Variants in TUBB6 observed in about 807,000 individuals in gnomAD.
TUBB6 encodes tubulin beta 6 class V.
A neutral mutation model predicts 32.3 loss-of-function variants in TUBB6; 18 were observed. The observed-to-expected ratio is 0.56, with a 90% CI of 0.39 to 0.83. The LOEUF (loss-of-function observed/expected upper bound fraction) is 0.83, where lower values mean the gene tolerates loss of function less well. Ranked by LOEUF, TUBB6 falls within the 40% of genes least tolerant of loss-of-function variation. The probability of loss-of-function intolerance (pLI) is 0.00; values close to 1 mark genes in which losing one functional copy is unlikely to be tolerated. For missense variants in TUBB6, 480 were observed against 632.0 expected (o/e 0.76, Z 2.58); for synonymous variants, 280 against 265.8 (o/e 1.05, Z -0.52).
chr18:12,312,211 T>A (rs1250527277), intron 3 of TUBB6, among the ~76,000 whole-genome samples: 1 of 152,228 alleles, frequency 6.6e-6, no homozygotes, highest in African/African-American at 2.4e-5. Flanking sequence ...TAGCTTCTAC[T>A]AGAACATACA....
At chr18:12,308,641 G>A in intron 1 of TUBB6, 46 bp from the exon 2 acceptor site, 2 of 1,382,842 alleles carry the variant, frequency 1.4e-6, no homozygotes, top group Non-Finnish European at 2.0e-6. Context: ...CGGCGTCCCG[G>A]GCTCTGGGTT....
chr18:12,308,571 C>T (rs565194718), intron 1 of TUBB6, 116 bp from the exon 2 acceptor site: 25 of 842,022 alleles, frequency 3.0e-5, no homozygotes, highest in Middle Eastern at 7.3e-4. Flanking sequence ...GGAGCGGCTG[C>T]CGGCGGCTCA....
chr18:12,319,173 C>T (rs1221066347), intron 3 of TUBB6, among the ~76,000 whole-genome samples: 11 of 135,194 alleles, frequency 8.1e-5, no homozygotes, highest in South Asian at 2.3e-4. Context: ...GACGGAGTTT[C>T]GCTCTTGTTG....
chr18:12,327,757 C>T (rs1359148079), downstream of TUBB6, among the ~76,000 whole-genome samples: 1 of 152,156 alleles, frequency 6.6e-6, no homozygotes, highest in African/African-American at 2.4e-5. Flanking sequence ...TCACCAGAAA[C>T]ATGGGTGTTG....
chr18:12,316,106 G>C (rs1906661887), intron 3 of TUBB6, among the ~76,000 whole-genome samples: 1 of 152,218 alleles, frequency 6.6e-6, no homozygotes, highest in African/African-American at 2.4e-5. Context: ...GCCCCGAGGA[G>C]GCCTCACCCA....
At chr18:12,321,595 G>A (rs1398787985) in intron 3 of TUBB6, among the ~76,000 whole-genome samples, 7 of 152,164 alleles carry the variant, frequency 4.6e-5, no homozygotes, top group Non-Finnish European at 8.8e-5. Flanking sequence ...ATCAGGGATG[G>A]ACCTGCCCAC....
At chr18:12,317,895 C>T (rs974814382) in intron 3 of TUBB6, among the ~76,000 whole-genome samples, 1 of 152,158 alleles carries the variant, frequency 6.6e-6, no homozygotes, top group Non-Finnish European at 1.5e-5. Flanking sequence ...AAATATTTTT[C>T]AGAAGTCACC....
chr18:12,312,220 C>A (rs1255641007), intron 3 of TUBB6, among the ~76,000 whole-genome samples: 1 of 152,162 alleles, frequency 6.6e-6, no homozygotes, highest in Non-Finnish European at 1.5e-5. Context: ...CTAGAACATA[C>A]AAGTGAAAGC....
Position 12,325,766 on chromosome 18 carries a change from T to C in TUBB6, c.977T>C (p.Val326Ala). Reference protein sequence around the residue: ...VFRGPMSMKEVDEQMLAIQSK... With the variant: ...VFRGPMSMKEADEQMLAIQSK... ...CGCGGGCCCATGTCCATGAAGGAGG[T>C]GGACGAGCAGATGCTGGCCATCCAG... The change falls in exon 4 of 4, where the codon GTG becomes GCG. Residue 326 changes from valine (V) to alanine (A), a missense_variant. Physicochemically the swap from Val to Ala is moderately conservative, Grantham distance 64 (BLOSUM62 0). Coordinates refer to ENST00000317702, the MANE Select transcript of TUBB6 (RefSeq NM_032525.3). 2 of 1,614,018 alleles carry C rather than the reference T, an allele frequency of 1.2e-6. No individual in the cohort carries two copies. The highest frequency in any genetic ancestry group is 1.7e-6 in the Non-Finnish European group (2 of 1,180,002).
At chr18:12,315,634 A>C (rs1272299216) in intron 3 of TUBB6, among the ~76,000 whole-genome samples, 1 of 152,230 alleles carries the variant, frequency 6.6e-6, no homozygotes, top group Non-Finnish European at 1.5e-5. Flanking sequence ...AAAACAGAGA[A>C]ACCTGCACAC....
intron 3 of TUBB6, 32 bp from the exon 4 acceptor site, chr18:12,325,035 G>C (rs757093554): frequency 6.5e-7 from 1 of 1,543,030 alleles, no homozygotes; most frequent in East Asian, 2.3e-5. Flanking sequence ...GCCCTTTCCT[G>C]TTTAAACGGC....
In TUBB6 at chr18:12,308,711, C is replaced by G. The variant is rs754263609; in HGVS notation, c.82C>G (p.His28Asp). ...TKFWEVISDEHGIDPAGGYVG... is the reference protein window; with the variant it reads ...TKFWEVISDEDGIDPAGGYVG... ...GTTTTGGGAAGTGATCAGCGATGAG[C>G]ACGGCATCGACCCGGCCGGAGGCTA... Residue 28 changes from histidine (H) to aspartate (D), a missense_variant, in exon 2 of 4, where the codon CAC becomes GAC. Coordinates refer to ENST00000317702, the MANE Select transcript of TUBB6 (RefSeq NM_032525.3). 2 of 1,612,702 alleles carry G rather than the reference C, an allele frequency of 1.2e-6. No homozygotes were observed. The highest frequency in any genetic ancestry group is 1.1e-5 in the South Asian group (1 of 91,060).
intron 3 of TUBB6, among the ~76,000 whole-genome samples, chr18:12,312,444 A>T (rs1906434813): frequency 6.6e-6 from 1 of 152,118 alleles, no homozygotes; most frequent in Admixed American, 6.5e-5. Context: ...GTGGCCTTAG[A>T]CTTATTTAAC....
chr18:12,315,035 G>T (rs375065549), intron 3 of TUBB6, among the ~76,000 whole-genome samples: 1 of 151,608 alleles, frequency 6.6e-6, no homozygotes, highest in East Asian at 1.9e-4. Flanking sequence ...AAAAAATTCT[G>T]TATGTTCATC....
intron 3 of TUBB6, among the ~76,000 whole-genome samples, chr18:12,312,892 G>T (rs574801913): frequency 6.6e-6 from 1 of 151,446 alleles, no homozygotes; most frequent in Admixed American, 6.6e-5. Context: ...CCAGCTACTC[G>T]GGAGGCTGAG....
chr18:12,325,682 A>T lies in TUBB6; in HGVS notation c.893A>T (p.Asn298Ile). 6.2e-7 allele frequency: 1 copy of T among 1,614,126 alleles called. No homozygotes were observed. The highest frequency in any genetic ancestry group is 8.5e-7 in the Non-Finnish European group (1 of 1,180,026). ...ELTQQMFDARNMMAACDPRHG... is the reference protein window; with the variant it reads ...ELTQQMFDARIMMAACDPRHG... ...ACCCAGCAGATGTTCGACGCCAGGA[A>T]CATGATGGCCGCCTGCGATCCGCGC... The change falls in exon 4 of 4, where the codon AAC becomes ATC. Residue 298 changes from asparagine to isoleucine, a missense_variant. Asn to Ile is a moderately radical substitution (Grantham distance 149). Coordinates refer to ENST00000317702, the MANE Select transcript of TUBB6 (RefSeq NM_032525.3).
chr18:12,329,412 G>T, downstream of TUBB6: 1 of 836,286 alleles, frequency 1.2e-6, no homozygotes. Context: ...CTCTGAGGCT[G>T]AAAGGACTAA....
intron 3 of TUBB6, among the ~76,000 whole-genome samples, chr18:12,324,510 T>G (rs1361587303): frequency 6.7e-6 from 1 of 149,984 alleles, no homozygotes; most frequent in Non-Finnish European, 1.5e-5. Flanking sequence ...TGGCACCATC[T>G]CAGCACACTA....
intron 2 of TUBB6, among the ~76,000 whole-genome samples, chr18:12,309,685 C>T (rs920665942): frequency 4.6e-5 from 7 of 152,172 alleles, no homozygotes; most frequent in East Asian, 1.9e-4. Flanking sequence ...ATCCCTCACC[C>T]AGCTTGGGTA....
Sources: gnomAD v4.1 joint callset for allele counts (sites outside exome capture counted in the v4.1 genomes callset) on GRCh38, gnomAD v4.1.1 for gene constraint, MANE v1.5 for transcripts, NCBI Gene and HGNC (gene_info 2026-07-23, HGNC 2026-07-21) for gene names.